Variants in SOX6 observed in about 807,000 individuals in gnomAD.
The protein encoded by SOX6 is SRY-box transcription factor 6, also known as transcription factor SOX-6.
SOX6 carries 11 observed loss-of-function variants against 97.8 expected under a neutral mutation model. The ratio of observed to expected loss-of-function variants is 0.11; its 90% CI spans 0.07 to 0.19. SOX6 has a LOEUF of 0.19. Among genes scored for constraint, SOX6 ranks in the 10% least tolerant of loss-of-function variants. SOX6 has a pLI of 1.00. For synonymous variants in SOX6, 360 were observed against 371.4 expected (o/e 0.97, Z 0.35); for missense variants, 810 against 1,039.5 (o/e 0.78, Z 3.04).
chr11:15,986,160 A>G (rs1335187279), intron 15 of SOX6, 44 bp downstream of exon 15: 2 of 1,551,196 alleles, frequency 1.3e-6, no homozygotes, highest in African/African-American at 2.7e-5. Context: ...ATAGTTACTT[A>G]CCGCAAAAGT....
chr11:16,196,134 G>A (rs1425204969), intron 4 of SOX6, among the ~76,000 whole-genome samples: 1 of 152,164 alleles, frequency 6.6e-6, no homozygotes, highest in East Asian at 1.9e-4. Flanking sequence ...TACTACAATT[G>A]CTTTGCACTG....
At chr11:16,459,426 A>C (rs1361617153) in intron 1 of SOX6, among the ~76,000 whole-genome samples, 1 of 152,086 alleles carries the variant, frequency 6.6e-6, no homozygotes, top group Non-Finnish European at 1.5e-5. Flanking sequence ...GGCATCTAAT[A>C]AAAATTTACC....
chr11:16,107,108 T>C (rs1054833450), intron 7 of SOX6, among the ~76,000 whole-genome samples: 2 of 151,962 alleles, frequency 1.3e-5, no homozygotes, highest in African/African-American at 4.8e-5. Context: ...AGCAACAATG[T>C]GAAGAAATTG....
intron 1 of SOX6, among the ~76,000 whole-genome samples, chr11:16,476,079 A>G (rs989920325): frequency 6.6e-6 from 1 of 152,190 alleles, no homozygotes; most frequent in African/African-American, 2.4e-5. Flanking sequence ...TAAACTTATT[A>G]TAATGGGCCC....
Position 16,150,376 on chromosome 11 carries a change from A to G in SOX6, c.777+33510T>C, listed in dbSNP as rs185780010. Among the ~76,000 whole-genome samples the G allele has an allele frequency of 2.7e-3, 404 of 152,324 alleles. 3 individuals carry two copies. Among genetic ancestry groups the G allele is most frequent in the Non-Finnish European group, 2.1e-3 (146 of 68,026 alleles). ...TGGACAAGCTAGCAGAGCCCACATG[A>G]GACTACTTCACAGAAGCCACTTTGG... On this transcript the variant is annotated intron_variant, in intron 6 of 15. Coordinates refer to ENST00000683767, the MANE Select transcript of SOX6 (RefSeq NM_001367873.1).
chr11:16,286,543 T>C (rs961201685), intron 3 of SOX6, among the ~76,000 whole-genome samples: 4 of 152,166 alleles, frequency 2.6e-5, no homozygotes, highest in Non-Finnish European at 5.9e-5. Context: ...ATAACTAAGA[T>C]ATCTTTTAAT....
chr11:16,714,240 ATTG>A (rs1848201519), intron 3 of SOX6, among the ~76,000 whole-genome samples: 2 of 151,736 alleles, frequency 1.3e-5, no homozygotes, highest in African/African-American at 2.4e-5. Context: ...TATGTACAGC[ATTG>A]TTGTATGGAA....
chr11:16,272,545 T>C (rs1462965926), intron 3 of SOX6, among the ~76,000 whole-genome samples: 1 of 151,788 alleles, frequency 6.6e-6, no homozygotes, highest in Non-Finnish European at 1.5e-5. Flanking sequence ...AATTTCACGA[T>C]CTTTAGCAAA....
chr11:16,068,046 T>C (rs1848135225), intron 9 of SOX6, among the ~76,000 whole-genome samples: 1 of 152,176 alleles, frequency 6.6e-6, no homozygotes, highest in Admixed American at 6.5e-5. Context: ...TCTCTTCTAG[T>C]GTGACAGACA....
At chr11:16,726,907 T>A (rs1311333895) in intron 2 of SOX6, among the ~76,000 whole-genome samples, 1 of 152,250 alleles carries the variant, frequency 6.6e-6, no homozygotes, top group Non-Finnish European at 1.5e-5. Flanking sequence ...TAAGTGATTT[T>A]ATTTCCTTTT....
chr11:16,500,169 TA>T (rs1357733212), intron 4 of SOX6, among the ~76,000 whole-genome samples: 1 of 152,142 alleles, frequency 6.6e-6, no homozygotes, highest in Non-Finnish European at 1.5e-5. Flanking sequence ...CGCAAATCAA[TA>T]AACGGAATCC....
At chr11:16,201,980 A>G (rs1246357940) in intron 4 of SOX6, among the ~76,000 whole-genome samples, 1 of 152,098 alleles carries the variant, frequency 6.6e-6, no homozygotes, top group Non-Finnish European at 1.5e-5. Context: ...TCATAGAAAT[A>G]ATAAATTTAT....
chr11:16,537,588 G>A (rs879607490), intron 4 of SOX6, among the ~76,000 whole-genome samples: 4 of 152,178 alleles, frequency 2.6e-5, no homozygotes, highest in Non-Finnish European at 4.4e-5. Context: ...AAAAAGGTTA[G>A]ATGAATGGCT....
At chr11:16,067,665 T>C (rs751427046) in intron 9 of SOX6, among the ~76,000 whole-genome samples, 12 of 152,080 alleles carry the variant, frequency 7.9e-5, no homozygotes, top group Non-Finnish European at 1.8e-4. Flanking sequence ...ACTAAAATAG[T>C]GTAACTGGAT....
At chr11:16,306,481 A>G (rs572481703) in intron 3 of SOX6, among the ~76,000 whole-genome samples, 1 of 151,342 alleles carries the variant, frequency 6.6e-6, no homozygotes, top group Non-Finnish European at 1.5e-5. Context: ...GAGAGAATAC[A>G]AAGTTATTCT....
chr11:16,456,102 A>G (rs1034911950), intron 1 of SOX6, among the ~76,000 whole-genome samples: 1 of 152,106 alleles, frequency 6.6e-6, no homozygotes, highest in African/African-American at 2.4e-5. Flanking sequence ...CACATAGTCC[A>G]GGGGGCTATG....
intron 3 of SOX6, among the ~76,000 whole-genome samples, chr11:16,289,923 T>C (rs1854861160): frequency 6.6e-6 from 1 of 152,058 alleles, no homozygotes. Flanking sequence ...ATGGTTCTGC[T>C]GGGAGCTGAA....
intron 4 of SOX6, among the ~76,000 whole-genome samples, chr11:16,588,035 T>C (rs151303950): frequency 6.6e-6 from 1 of 152,224 alleles, no homozygotes; most frequent in East Asian, 1.9e-4. Flanking sequence ...GAGCACACTA[T>C]GGAAATATAC....
intron 4 of SOX6, among the ~76,000 whole-genome samples, chr11:16,232,407 A>G (rs886883871): frequency 6.6e-6 from 1 of 152,030 alleles, no homozygotes; most frequent in Non-Finnish European, 1.5e-5. Flanking sequence ...TTATGCCCAT[A>G]AGAAACTCAG....
Sources: gnomAD v4.1 joint callset for allele counts (sites outside exome capture counted in the v4.1 genomes callset) on GRCh38, gnomAD v4.1.1 for gene constraint, MANE v1.5 for transcripts, NCBI Gene and HGNC (gene_info 2026-07-23, HGNC 2026-07-21) for gene names.